PRKG1: variants seen among roughly 807,000 people sequenced by gnomAD.
The protein encoded by PRKG1 is cGMP-dependent protein kinase 1.
In PRKG1, 35 loss-of-function variants were observed where a neutral mutation model predicts 88.1. That is an observed-to-expected ratio of 0.40 (90% CI 0.30 to 0.53). The LOEUF is 0.53. Among genes scored for constraint, PRKG1 ranks in the 20% least tolerant of loss-of-function variants. The probability of loss-of-function intolerance (pLI) is 0.59; values close to 1 mark genes in which losing one functional copy is unlikely to be tolerated. For synonymous variants in PRKG1, 303 were observed against 292.5 expected, an observed-to-expected ratio of 1.04 and a Z score of -0.37; for missense variants, 540 against 839.8, an observed-to-expected ratio of 0.64 and a Z score of 4.41.
intron 2 of PRKG1, among the ~76,000 whole-genome samples, chr10:51,432,214 A>G (rs140393990): frequency 7.0e-4 from 106 of 152,290 alleles, no homozygotes; most frequent in African/African-American, 1.9e-3. Flanking sequence ...ATAATTTTTT[A>G]TTGCTCAGAC....
At chr10:51,755,394 G>A (rs1837833591) in intron 3 of PRKG1, among the ~76,000 whole-genome samples, 1 of 152,138 alleles carries the variant, frequency 6.6e-6, no homozygotes, top group East Asian at 1.9e-4. Flanking sequence ...AATGGGTTTG[G>A]GAGCTAGGCT....
intron 1 of PRKG1, among the ~76,000 whole-genome samples, chr10:51,005,848 T>C (rs535686780): frequency 6.6e-6 from 1 of 152,334 alleles, no homozygotes; most frequent in South Asian, 2.1e-4. Flanking sequence ...CTGGGTGCCT[T>C]ATTTCACAAA....
At chr10:51,933,813 A>T (rs1032723405) in intron 5 of PRKG1, among the ~76,000 whole-genome samples, 10 of 152,124 alleles carry the variant, frequency 6.6e-5, no homozygotes. Context: ...AAGAAGAAGA[A>T]GATTTTACAT....
chr10:52,201,346 C>T (rs752105018), intron 9 of PRKG1, among the ~76,000 whole-genome samples: 6 of 152,196 alleles, frequency 3.9e-5, no homozygotes, highest in African/African-American at 1.2e-4. Context: ...TTCACGTTGT[C>T]GAAGATCAAA....
intron 8 of PRKG1, among the ~76,000 whole-genome samples, chr10:52,140,029 CA>C (rs1373431691): frequency 2.0e-5 from 3 of 152,154 alleles, no homozygotes; most frequent in African/African-American, 7.2e-5. Flanking sequence ...TGGACATTGA[CA>C]TTTGAATTTA....
intron 1 of PRKG1, among the ~76,000 whole-genome samples, chr10:51,075,891 G>A (rs942765026): frequency 1.3e-5 from 2 of 152,162 alleles, no homozygotes; most frequent in African/African-American, 2.4e-5. Flanking sequence ...ATGTGGGAGA[G>A]CACCCAAAAG....
At chr10:51,548,286 A>C (rs1842490975) in intron 3 of PRKG1, among the ~76,000 whole-genome samples, 1 of 152,072 alleles carries the variant, frequency 6.6e-6, no homozygotes. Context: ...CAGTGACTCC[A>C]TGTCTTGATC....
At chr10:51,712,889 C>A (rs1841794543) in intron 3 of PRKG1, among the ~76,000 whole-genome samples, 1 of 152,038 alleles carries the variant, frequency 6.6e-6, no homozygotes, top group South Asian at 2.1e-4. Context: ...TGAATCCAAA[C>A]AATTATTATT....
chr10:51,560,453 G>A (rs754303648), intron 3 of PRKG1, among the ~76,000 whole-genome samples: 5 of 152,018 alleles, frequency 3.3e-5, no homozygotes, highest in Non-Finnish European at 5.9e-5. Flanking sequence ...CTTCCCTCTT[G>A]CAACTTAGTA....
chr10:52,281,343 C>A (rs1841998840), intron 13 of PRKG1, among the ~76,000 whole-genome samples: 2 of 152,052 alleles, frequency 1.3e-5, no homozygotes, highest in Non-Finnish European at 2.9e-5. Flanking sequence ...ACAGGCAATG[C>A]TAGCCAGGTT....
chr10:51,103,134 T>TAAA (rs1554836275), intron 1 of PRKG1, among the ~76,000 whole-genome samples: 2 of 109,906 alleles, frequency 1.8e-5, no homozygotes, highest in Admixed American at 9.0e-5. Context: ...TATTCAAAAG[T>TAAA]AAAAAAAAAA....
chr10:51,154,527 A>G (rs1251749538), intron 2 of PRKG1, among the ~76,000 whole-genome samples: 1 of 152,080 alleles, frequency 6.6e-6, no homozygotes. Flanking sequence ...TGTAAAGTAT[A>G]GAACACCACA....
At chr10:52,113,611 C>T (rs920357677) in intron 7 of PRKG1, among the ~76,000 whole-genome samples, 2 of 152,048 alleles carry the variant, frequency 1.3e-5, no homozygotes, top group African/African-American at 4.8e-5. Context: ...TCCTGTTCTA[C>T]AGGTCACAAT....
At chr10:51,241,579 A>G (rs1839153788) in intron 2 of PRKG1, among the ~76,000 whole-genome samples, 2 of 152,322 alleles carry the variant, frequency 1.3e-5, no homozygotes, top group South Asian at 4.1e-4. Context: ...TCCTAAGGCA[A>G]GAATAAACAG....
intron 4 of PRKG1, among the ~76,000 whole-genome samples, chr10:51,852,226 T>TATATATATATATATATATATATATAC (rs1403355117): frequency 6.0e-5 from 9 of 149,332 alleles, no homozygotes; most frequent in African/African-American, 2.2e-4. Context: ...TATATATATA[T>TATATATATATATATATATATATATAC]ATACACACAC....
intron 2 of PRKG1, among the ~76,000 whole-genome samples, chr10:51,229,101 G>T (rs1201640172): frequency 1.3e-5 from 2 of 152,110 alleles, no homozygotes; most frequent in African/African-American, 4.8e-5. Flanking sequence ...TATAAGCTCA[G>T]ATATCAGTGA....
chr10:51,797,586 AAATATCT>A (rs1839050009), intron 3 of PRKG1, among the ~76,000 whole-genome samples: 1 of 147,306 alleles, frequency 6.8e-6, no homozygotes, highest in Non-Finnish European at 1.5e-5. Flanking sequence ...TGTTATATAT[AAATATCT>A]AATATATAAA....
At chr10:52,278,291 C>CG (rs1443450122) in intron 12 of PRKG1, among the ~76,000 whole-genome samples, 1 of 152,014 alleles carries the variant, frequency 6.6e-6, no homozygotes, top group Non-Finnish European at 1.5e-5. Flanking sequence ...GTTAGAATGA[C>CG]GATCATTAAA....
At chr10:51,120,983 G>T (rs1845246060) in intron 1 of PRKG1, among the ~76,000 whole-genome samples, 1 of 152,120 alleles carries the variant, frequency 6.6e-6, no homozygotes. Context: ...CTCTAGCAAA[G>T]AATCTGTTCC....
Sources: allele counts gnomAD v4.1 joint callset (sites outside exome capture counted in the v4.1 genomes callset), GRCh38; gene constraint gnomAD v4.1.1; transcripts MANE v1.5; gene names NCBI Gene and HGNC (gene_info 2026-07-23, HGNC 2026-07-21).